ASTN1: variants seen among roughly 807,000 people sequenced by gnomAD.
ASTN1 encodes astrotactin-1.
Under a neutral mutation model 140.7 loss-of-function variants are expected in ASTN1, and 41 were observed. The ratio of observed to expected loss-of-function variants is 0.29; its 90% CI spans 0.23 to 0.38. The LOEUF (loss-of-function observed/expected upper bound fraction) is 0.38, where lower values mean the gene tolerates loss of function less well. Ranked by LOEUF, ASTN1 falls within the 10% of genes least tolerant of loss-of-function variation. The pLI is 1.00. For missense variants in ASTN1, 1,479 were observed against 1,678.8 expected (o/e 0.88, Z 2.08); for synonymous variants, 640 against 652.2 (o/e 0.98, Z 0.29).
intron 14 of ASTN1, among the ~76,000 whole-genome samples, chr1:176,942,143 ATATT>A (rs1351893264): frequency 6.6e-6 from 1 of 152,114 alleles, no homozygotes; most frequent in Non-Finnish European, 1.5e-5. Context: ...TTTCTTTTAA[ATATT>A]TATTTATTCA....
intron 8 of ASTN1, among the ~76,000 whole-genome samples, chr1:176,981,177 A>G (rs1673594866): frequency 2.9e-5 from 4 of 138,436 alleles, no homozygotes; most frequent in Admixed American, 1.6e-4. Context: ...GCACCACTCA[A>G]CTCCAGCCTG....
Position 177,143,225 on chromosome 1 carries a change from G to C in ASTN1, c.283+21169C>G, listed in dbSNP as rs551353378. ...TATGTTGGAGAAAACCCATTAACTG[G>C]ATAATTTACATTTCCCTCTCAAATC... On this transcript the variant is annotated intron_variant, in intron 1 of 22. Transcript: ENST00000361833. Among the ~76,000 whole-genome samples the C allele has an allele frequency of 4.6e-5, 7 of 152,300 alleles. No individual in the cohort carries two copies. The South Asian group carries it at 1.4e-3, about 32-fold the overall frequency.
intron 16 of ASTN1, among the ~76,000 whole-genome samples, chr1:176,912,373 T>C (rs1366152922): frequency 6.6e-6 from 1 of 152,228 alleles, no homozygotes; most frequent in Non-Finnish European, 1.5e-5. Flanking sequence ...TGGTAAAATT[T>C]ATTTATGATG....
intron 1 of ASTN1, among the ~76,000 whole-genome samples, chr1:177,107,353 T>G (rs1324075619): frequency 6.6e-6 from 1 of 152,050 alleles, no homozygotes; most frequent in Non-Finnish European, 1.5e-5. Flanking sequence ...AAAACCCAAA[T>G]TAGAAAAGAA....
rs1669122963 is a variant in ASTN1 at position 176,888,279 on chromosome 1, T to C, written c.2941-75A>G. The C allele has an allele frequency of 2.6e-6, 4 of 1,552,262 alleles. No homozygotes were observed. In the East Asian group the frequency reaches 6.8e-5, roughly 26 times the overall value. On this transcript the variant is annotated intron_variant, in intron 17 of 22. Transcript: ENST00000361833. ...GCCATCAGAATCAAGAGGCAGAGTG[T>C]CAAGGATCTGCATGGCCCTAAATTA...
At chr1:177,026,379 T>C (rs904370457) in intron 5 of ASTN1, among the ~76,000 whole-genome samples, 1 of 152,176 alleles carries the variant, frequency 6.6e-6, no homozygotes, top group Non-Finnish European at 1.5e-5. Context: ...ACTACTTCCA[T>C]TGCCCAGCCA....
intron 8 of ASTN1, among the ~76,000 whole-genome samples, chr1:176,985,544 G>C (rs1005929418): frequency 2.6e-4 from 40 of 152,060 alleles, no homozygotes; most frequent in African/African-American, 7.7e-4. Context: ...TGAATGGCAG[G>C]GTTCTGCTTT....
chr1:176,994,740 G>A (rs555890460), intron 8 of ASTN1, among the ~76,000 whole-genome samples: 11 of 152,224 alleles, frequency 7.2e-5, no homozygotes, highest in African/African-American at 2.6e-4. Context: ...CACCTATAAA[G>A]TGGAGATGGA....
chr1:176,893,479 T>A (rs1446568034), intron 17 of ASTN1, among the ~76,000 whole-genome samples: 1 of 152,194 alleles, frequency 6.6e-6, no homozygotes, highest in Non-Finnish European at 1.5e-5. Flanking sequence ...ACAATTTATC[T>A]TTTTGCTCCT....
chr1:176,966,446 A>G lies in ASTN1; in HGVS notation c.1524-1209T>C, dbSNP rs78675262. 8.5e-5 allele frequency among the ~76,000 whole-genome samples: 13 copies of G among 152,292 alleles called. No homozygotes were observed. The East Asian group carries it at 2.5e-3, about 29-fold the overall frequency. On this transcript the variant is annotated intron_variant, in intron 8 of 22. Transcript: ENST00000361833. ...CAGAACAAAAATTTCCCCATGTCCT[A>G]CAAGCTTTTGAATGTCATGCAAGAC...
At chr1:177,024,068 A>G (rs1248191317) in intron 6 of ASTN1, among the ~76,000 whole-genome samples, 6 of 152,222 alleles carry the variant, frequency 3.9e-5, no homozygotes, top group African/African-American at 7.2e-5. Flanking sequence ...GGCTTAAATG[A>G]TTCAGGGACT....
intron 5 of ASTN1, among the ~76,000 whole-genome samples, chr1:177,027,261 A>T (rs1676164639): frequency 6.6e-6 from 1 of 152,128 alleles, no homozygotes; most frequent in Admixed American, 6.5e-5. Context: ...TTGGTGTTCT[A>T]GCCCTTGGTG....
intron 21 of ASTN1, among the ~76,000 whole-genome samples, chr1:176,871,541 C>T (rs1668344044): frequency 6.6e-6 from 1 of 152,172 alleles, no homozygotes; most frequent in East Asian, 1.9e-4. Context: ...GGGCTCCCAG[C>T]TTTTGCAGCA....
chr1:177,122,676 C>A (rs774337741), intron 1 of ASTN1, among the ~76,000 whole-genome samples: 1 of 152,186 alleles, frequency 6.6e-6, no homozygotes, highest in Non-Finnish European at 1.5e-5. Context: ...GGCCACTCCA[C>A]ACTGCTTCTC....
chr1:177,088,510 C>A (rs1016944220), intron 1 of ASTN1, among the ~76,000 whole-genome samples: 43 of 152,134 alleles, frequency 2.8e-4, no homozygotes, highest in African/African-American at 1.0e-3. Flanking sequence ...TCCTCAGTAA[C>A]AACAAAGAAG....
chr1:176,961,241 T>A (rs1672646425), intron 9 of ASTN1, among the ~76,000 whole-genome samples: 1 of 152,232 alleles, frequency 6.6e-6, no homozygotes, highest in Admixed American at 6.5e-5. Context: ...TAGAGCAGGC[T>A]ATAGGTTAAA....
At position 176,997,201 on chromosome 1, in the gene ASTN1, C is replaced by A. The variant is rs557362533; in HGVS notation, c.1523+17590G>T. Among the ~76,000 whole-genome samples, 7 of 152,240 alleles carry A rather than the reference C, an allele frequency of 4.6e-5. No homozygotes were observed. In the South Asian group the frequency reaches 1.5e-3, roughly 32 times the overall value. Reference sequence around the variant, plus strand: ...CCAGGCACTCTCACTTTCCATAATTCTTTTGTTTACTCCTCACTGCAATCC... The same window carrying A: ...CCAGGCACTCTCACTTTCCATAATTATTTTGTTTACTCCTCACTGCAATCC... On this transcript the variant is annotated intron_variant, in intron 8 of 22. Coordinates refer to ENST00000361833, the MANE Select transcript of ASTN1 (RefSeq NM_004319.3).
At chr1:177,024,873 A>G in intron 5 of ASTN1, 141 bp from the exon 6 acceptor site, 2 of 946,188 alleles carry the variant, frequency 2.1e-6, no homozygotes, top group South Asian at 1.7e-5. Context: ...CTCTGGCTGC[A>G]TGACCTCAGT....
intron 16 of ASTN1, among the ~76,000 whole-genome samples, chr1:176,897,757 G>A (rs1379323582): frequency 2.0e-5 from 3 of 152,138 alleles, no homozygotes; most frequent in Non-Finnish European, 2.9e-5. Context: ...CATAGATGAT[G>A]ACAGGATAAT....
Sources: gnomAD v4.1 joint callset for allele counts (sites outside exome capture counted in the v4.1 genomes callset) on GRCh38, gnomAD v4.1.1 for gene constraint, MANE v1.5 for transcripts, NCBI Gene and HGNC (gene_info 2026-07-23, HGNC 2026-07-21) for gene names.